Variants in MAP3K19 observed in about 807,000 individuals in gnomAD.
MAP3K19 encodes the protein SPS1/STE20-related protein kinase YSK4.
Under a neutral mutation model 114.4 loss-of-function variants are expected in MAP3K19, and 91 were observed. The observed-to-expected ratio is 0.80, with a 90% CI of 0.67 to 0.95. MAP3K19 has a LOEUF of 0.95. Among genes scored for constraint, MAP3K19 ranks in the 40% least tolerant of loss-of-function variants. The pLI, the probability that MAP3K19 is intolerant of heterozygous loss-of-function variation, is 0.00. For synonymous variants in MAP3K19, 518 were observed against 530.5 expected (o/e 0.98, Z 0.32); for missense variants, 1,471 against 1,573.2 (o/e 0.94, Z 1.10).
intron 5 of MAP3K19, among the ~76,000 whole-genome samples, chr2:135,009,173 C>A (rs1687045663): frequency 6.6e-6 from 1 of 150,516 alleles, no homozygotes; most frequent in African/African-American, 2.4e-5. Context: ...ATATGTTTAC[C>A]AGGCTGGTCT....
chr2:134,986,424 T>G lies in MAP3K19; in HGVS notation c.2448A>C (p.Glu816Asp). 1 of 1,613,972 alleles carries G rather than the reference T, an allele frequency of 6.2e-7. No individual in the cohort carries two copies. Among genetic ancestry groups the G allele is most frequent in the Non-Finnish European group, 8.5e-7 (1 of 1,180,018 alleles). The change falls in exon 10 of 13, where the codon GAA (glutamate) becomes GAC (aspartate). Residue 816 changes from glutamate to aspartate, a missense_variant. Transcript: ENST00000392915. The part of the protein sequence containing the change: ...DLSIVEEVSM[E>D]ESTGDRDISN... The stretch of plus-strand genomic sequence containing the variant: ...AAATGTCTCTATCACCAGTAGACTC[T>G]TCCATAGAAACTTCTTCAACAATGG...
chr2:134,964,914 T>G lies in MAP3K19; in HGVS notation c.3923A>C (p.Asp1308Ala). 1 of 1,612,130 alleles carries G rather than the reference T, an allele frequency of 6.2e-7. No homozygotes were observed. The highest frequency in any genetic ancestry group is 8.5e-7 in the Non-Finnish European group (1 of 1,178,816). Residue 1308 changes from aspartate (D) to alanine (A), a missense_variant and splice_region_variant, in exon 13 of 13, where the codon GAC (aspartate) becomes GCC (alanine). Asp to Ala is a moderately radical substitution (Grantham distance 126). Coordinates refer to ENST00000392915, the MANE Select transcript of MAP3K19 (RefSeq NM_025052.5). ...GAGAGCAGAAGGTCGCTCATGCTGG[T>G]CCCTAAGAAGGGAAAAACACATTAG... ...ADFVRMCLTR[D>A]QHERPSALQL...
At chr2:135,017,921 G>A (rs1338581270) in intron 5 of MAP3K19, among the ~76,000 whole-genome samples, 4 of 152,046 alleles carry the variant, frequency 2.6e-5, no homozygotes, top group African/African-American at 7.2e-5. Flanking sequence ...ATGACAAAAC[G>A]GTACCAATTT....
At chr2:134,998,081 G>A (rs1229836349) in intron 8 of MAP3K19, among the ~76,000 whole-genome samples, 6 of 152,112 alleles carry the variant, frequency 3.9e-5, no homozygotes, top group Non-Finnish European at 8.8e-5. Context: ...GGAAATGCTG[G>A]CATCAGTGCT....
At chr2:134,966,063 AT>A (rs889919283) in intron 12 of MAP3K19, among the ~76,000 whole-genome samples, 114 of 152,102 alleles carry the variant, frequency 7.5e-4, no homozygotes, top group Non-Finnish European at 1.3e-3. Flanking sequence ...ATAAGACTTC[AT>A]TTTTTTTATG....
chr2:135,010,762 T>A (rs968237037), intron 5 of MAP3K19, among the ~76,000 whole-genome samples: 1 of 152,088 alleles, frequency 6.6e-6, no homozygotes, highest in Non-Finnish European at 1.5e-5. Context: ...AGGAAGTAAC[T>A]GGAACTACAG....
Position 134,986,620 on chromosome 2 carries a change from C to T in MAP3K19, c.2252G>A (p.Ser751Asn), listed in dbSNP as rs1174244476. 1.2e-6 allele frequency: 2 copies of T among 1,614,132 alleles called. No homozygotes were observed. Among genetic ancestry groups the T allele is most frequent in the Non-Finnish European group, 1.7e-6 (2 of 1,180,018 alleles). Residue 751 changes from serine to asparagine, a missense_variant, in exon 10 of 13, where the codon AGC becomes AAC. By Grantham distance (46) the Ser-to-Asn change is conservative. Coordinates refer to ENST00000392915, the MANE Select transcript of MAP3K19 (RefSeq NM_025052.5). ...SKEKSSKAVHSNLHDIENGDG... is the reference protein window; with the variant it reads ...SKEKSSKAVHNNLHDIENGDG... ...ACCATTTTCAATGTCATGTAGGTTG[C>T]TATGTACAGCCTTGGAACTCTTTTC...
intron 5 of MAP3K19, among the ~76,000 whole-genome samples, chr2:135,018,311 A>T (rs1687731560): frequency 2.8e-5 from 4 of 144,170 alleles, no homozygotes; most frequent in Non-Finnish European, 3.0e-5. Context: ...AAAAGAATTG[A>T]TAGTAGTTTA....
chr2:134,990,625 C>T (rs1309817592), intron 9 of MAP3K19, among the ~76,000 whole-genome samples: 5 of 151,796 alleles, frequency 3.3e-5, no homozygotes, highest in Non-Finnish European at 5.9e-5. Flanking sequence ...TACAGGCACC[C>T]GCCACCATGC....
rs373866203 is a variant in MAP3K19, at chr2:135,033,479, C to T, written c.-283-2979G>A. 4.4e-4 allele frequency among the ~76,000 whole-genome samples: 48 copies of T among 109,492 alleles called. 2 individuals are homozygous for T. Among genetic ancestry groups the T allele is most frequent in the East Asian group, 1.3e-3 (4 of 3,156 alleles). 71.8% of individuals were successfully genotyped at this position (109,492 alleles called of 152,430 possible). The stretch of plus-strand genomic sequence containing the variant: ...GGCGCCCCCCACCCCCCGGACGGGG[C>T]GGCTGGCCGGGCAGAGGGGCTCCTC... On this transcript the variant is annotated intron_variant, in intron 2 of 12. Coordinates refer to ENST00000392915, the MANE Select transcript of MAP3K19 (RefSeq NM_025052.5).
chr2:134,998,962 G>A lies in MAP3K19; in HGVS notation c.350C>T (p.Ala117Val). The A allele has an allele frequency of 6.2e-7, 1 of 1,613,870 alleles. No homozygotes were observed. The highest frequency in any genetic ancestry group is 8.5e-7 in the Non-Finnish European group (1 of 1,179,990). ...TTCATTTGGATGAGAAACTGCATGTGCTTGTGCCCATTCTTGAAGCGATGA... is the reference window on the plus strand; with the variant it reads ...TTCATTTGGATGAGAAACTGCATGTACTTGTGCCCATTCTTGAAGCGATGA... The part of the protein sequence containing the change: ...INSSLQEWAQ[A>V]HAVSHPNEIE... Residue 117 changes from alanine (A) to valine (V), a missense_variant, in exon 8 of 13, where the codon GCA becomes GTA. Coordinates refer to ENST00000392915, the MANE Select transcript of MAP3K19 (RefSeq NM_025052.5).
At chr2:135,047,025 T>C (rs1470063317) in intron 1 of MAP3K19, among the ~76,000 whole-genome samples, 160 bp downstream of exon 1, 3 of 152,232 alleles carry the variant, frequency 2.0e-5, no homozygotes, top group Non-Finnish European at 4.4e-5. Context: ...AAGTAAAAAA[T>C]AGTTTATTAC....
Position 134,986,126 on chromosome 2 carries a change from A to T in MAP3K19, c.2746T>A (p.Ser916Thr), listed in dbSNP as rs1485941633. ...ACCCAATATTGATATGTCTGGGAAG[A>T]TGCACTTTCTTGTTTTGCTTGGAAA... ...FSFQAKQESA[S>T]SQTYQYWVHY... Residue 916 changes from serine (S) to threonine (T), a missense_variant, in exon 10 of 13, where the codon TCT becomes ACT. Coordinates refer to ENST00000392915, the MANE Select transcript of MAP3K19 (RefSeq NM_025052.5). The T allele has an allele frequency of 6.2e-7, 1 of 1,614,054 alleles. No homozygotes were observed. The highest frequency in any genetic ancestry group is 1.3e-5 in the African/African-American group (1 of 75,064).
chr2:135,038,807 G>A (rs1455595419), intron 2 of MAP3K19, among the ~76,000 whole-genome samples: 1 of 151,714 alleles, frequency 6.6e-6, no homozygotes. Flanking sequence ...GCTGTGAGCC[G>A]AGATCATGCC....
chr2:134,986,265 C>A lies in MAP3K19; in HGVS notation c.2607G>T (p.Gln869His). 1.9e-6 allele frequency: 3 copies of A among 1,614,000 alleles called. No homozygotes were observed. The highest frequency in any genetic ancestry group is 2.5e-6 in the Non-Finnish European group (3 of 1,179,994). The part of the protein sequence containing the change: ...PSEKNSNKYV[Q>H]QEKQNTASLS... ...GAGATGCTGTATTCTGCTTTTCTTG[C>A]TGTACATACTTGTTAGAATTCTTCT... Residue 869 changes from glutamine to histidine, a missense_variant, in exon 10 of 13, where the codon CAG becomes CAT. Gln to His is a conservative substitution (Grantham distance 24, BLOSUM62 0). Transcript: ENST00000392915.
At chr2:134,968,072 T>C (rs1295328938) in intron 12 of MAP3K19, among the ~76,000 whole-genome samples, 2 of 152,160 alleles carry the variant, frequency 1.3e-5, no homozygotes, top group Non-Finnish European at 2.9e-5. Context: ...CCAACGAGCA[T>C]GCTGCCTTCA....
chr2:134,969,507 G>A (rs1683712149), intron 12 of MAP3K19, among the ~76,000 whole-genome samples: 1 of 152,138 alleles, frequency 6.6e-6, no homozygotes, highest in African/African-American at 2.4e-5. Flanking sequence ...TAGTGATGTT[G>A]AGCATTTCTT....
At chr2:135,010,990 A>G (rs1316052954) in intron 5 of MAP3K19, among the ~76,000 whole-genome samples, 1 of 152,212 alleles carries the variant, frequency 6.6e-6, no homozygotes, top group Non-Finnish European at 1.5e-5. Context: ...GGGCGAGTCT[A>G]TAACGAGCCT....
chr2:134,983,568 A>T (rs1321323988), intron 11 of MAP3K19, 108 bp downstream of exon 11: 5 of 716,884 alleles, frequency 7.0e-6, no homozygotes, highest in Non-Finnish European at 1.1e-5. Flanking sequence ...TAAGTAAAAG[A>T]GTGCTTGCCA....
Sources: allele counts gnomAD v4.1 joint callset (sites outside exome capture counted in the v4.1 genomes callset), GRCh38; gene constraint gnomAD v4.1.1; transcripts MANE v1.5; gene names NCBI Gene and HGNC (gene_info 2026-07-23, HGNC 2026-07-21).